The following KIAA0825 variants were observed in gnomAD, a reference collection of about 807,000 sequenced individuals.
KIAA0825 encodes uncharacterized protein KIAA0825.
Under a neutral mutation model 147.6 loss-of-function variants are expected in KIAA0825, and 119 were observed. That is an observed-to-expected ratio of 0.81 (90% CI 0.69 to 0.94). KIAA0825 has a LOEUF of 0.94. Among genes scored for constraint, KIAA0825 ranks in the 40% least tolerant of loss-of-function variants. The pLI, the probability that KIAA0825 is intolerant of heterozygous loss-of-function variation, is 0.00. For missense variants in KIAA0825, 1,381 were observed against 1,472.7 expected (o/e 0.94, Z 1.02); for synonymous variants, 470 against 518.1 (o/e 0.91, Z 1.26).
At chr5:94,345,901 T>C (rs562305949) in intron 20 of KIAA0825, among the ~76,000 whole-genome samples, 2 of 152,184 alleles carry the variant, frequency 1.3e-5, no homozygotes, top group African/African-American at 2.4e-5. Context: ...GTTGTGATCA[T>C]TGAGCAAGCA....
chr5:94,224,006 G>A (rs1009501464), intron 20 of KIAA0825, among the ~76,000 whole-genome samples: 3 of 145,832 alleles, frequency 2.1e-5, no homozygotes, highest in African/African-American at 5.1e-5. Context: ...GTAATTCATG[G>A]TTAATTATTC....
At chr5:94,551,771 A>G (rs1301978841) in intron 2 of KIAA0825, among the ~76,000 whole-genome samples, 1 of 152,102 alleles carries the variant, frequency 6.6e-6, no homozygotes, top group Non-Finnish European at 1.5e-5. Context: ...TCAAAATTAT[A>G]GAACTCACTG....
chr5:94,588,921 C>T (rs1783824445), intron 1 of KIAA0825, among the ~76,000 whole-genome samples: 4 of 152,146 alleles, frequency 2.6e-5, no homozygotes, highest in African/African-American at 2.4e-5. Context: ...ATCACAAGGA[C>T]AGAAAACCAA....
At chr5:94,542,328 T>C (rs537405051) in intron 2 of KIAA0825, among the ~76,000 whole-genome samples, 16 of 152,338 alleles carry the variant, frequency 1.1e-4, no homozygotes, top group Admixed American at 6.5e-4. Flanking sequence ...TTTGTTTTGT[T>C]TTTCAGAATC....
At chr5:94,508,836 C>T (rs1766101283) in intron 5 of KIAA0825, among the ~76,000 whole-genome samples, 1 of 152,216 alleles carries the variant, frequency 6.6e-6, no homozygotes, top group African/African-American at 2.4e-5. Flanking sequence ...GGTGCTACCA[C>T]ACACAGCCAT....
rs554847213 is a variant in KIAA0825 at position 94,153,335 on chromosome 5, C to T, written c.*672G>A. On this transcript the variant is annotated 3_prime_UTR_variant, in exon 21 of 21. Coordinates refer to ENST00000682413, the MANE Select transcript of KIAA0825 (RefSeq NM_001145678.3). ...TTGGGAAAACATGGCAAGCATGTGA[C>T]TTGAACCAAGAGGATGGCAAGCAAT... 3.0e-4 allele frequency: 45 copies of T among 152,126 alleles called. No homozygotes were observed. The highest frequency in any genetic ancestry group is 8.4e-4 in the African/African-American group (35 of 41,512). 9.4% of individuals were successfully genotyped at this position (152,126 alleles called of 1,614,324 possible).
At position 94,440,020 on chromosome 5, in the gene KIAA0825, T is replaced by G; in HGVS notation, c.2459A>C (p.His820Pro). 6.4e-7 allele frequency: 1 copy of G among 1,551,796 alleles called. No homozygotes were observed. The highest frequency in any genetic ancestry group is 8.7e-7 in the Non-Finnish European group (1 of 1,146,846). Residue 820 changes from histidine (H) to proline (P), a missense_variant, in exon 14 of 21, where the codon CAT becomes CCT. Coordinates refer to ENST00000682413, the MANE Select transcript of KIAA0825 (RefSeq NM_001145678.3). ...WNLLLETLLHHDGLLLRILLK... is the reference protein window; with the variant it reads ...WNLLLETLLHPDGLLLRILLK... ...CAAGATTCTCAGTAAAAGTCCATCA[T>G]GATGCAGTAGGGTTTCCAGAAGCAA...
chr5:94,604,672 G>A (rs1000082010), intron 1 of KIAA0825, among the ~76,000 whole-genome samples: 7 of 152,074 alleles, frequency 4.6e-5, no homozygotes, highest in African/African-American at 1.4e-4. Context: ...TGAAATAAAG[G>A]CAGAAATCAA....
chr5:94,355,650 AG>A (rs796971152), intron 20 of KIAA0825, among the ~76,000 whole-genome samples: 130 of 152,302 alleles, frequency 8.5e-4, no homozygotes, highest in African/African-American at 3.0e-3. Flanking sequence ...TTCTTATACT[AG>A]GGTCATACAT....
chr5:94,496,215 G>GA (rs972955382), intron 5 of KIAA0825, among the ~76,000 whole-genome samples: 9 of 152,010 alleles, frequency 5.9e-5, no homozygotes, highest in Admixed American at 2.0e-4. Context: ...AACGGATGGA[G>GA]AAAAAAATCA....
rs143466818 is a variant in KIAA0825, at chr5:94,480,439, A to C, written c.1133-3234T>G. 5.9e-5 allele frequency among the ~76,000 whole-genome samples: 9 copies of C among 152,188 alleles called. No homozygotes were observed. In the East Asian group the frequency reaches 1.5e-3, roughly 26 times the overall value. ...AATAAAGATCAAGTTGTTAATGACA[A>C]GAAGGGACAAAGTTGGATTCTGAAT... On this transcript the variant is annotated intron_variant, in intron 6 of 20. Coordinates refer to ENST00000682413, the MANE Select transcript of KIAA0825 (RefSeq NM_001145678.3).
At chr5:94,239,033 T>G (rs1214507107) in intron 20 of KIAA0825, among the ~76,000 whole-genome samples, 1 of 152,222 alleles carries the variant, frequency 6.6e-6, no homozygotes, top group Non-Finnish European at 1.5e-5. Context: ...TTTATTTTAA[T>G]GTATTCCTTT....
intron 15 of KIAA0825, among the ~76,000 whole-genome samples, chr5:94,408,135 G>A (rs1752307304): frequency 6.6e-6 from 1 of 152,128 alleles, no homozygotes; most frequent in Non-Finnish European, 1.5e-5. Flanking sequence ...AAAGGCAATG[G>A]TTTGCCAACT....
chr5:94,573,022 G>A (rs934764563), intron 2 of KIAA0825, among the ~76,000 whole-genome samples: 14 of 148,004 alleles, frequency 9.5e-5, no homozygotes, highest in South Asian at 2.1e-4. Flanking sequence ...TCAGGGTACC[G>A]CTTGGTTTCA....
chr5:94,203,015 G>C (rs563250799), intron 20 of KIAA0825, among the ~76,000 whole-genome samples: 196 of 152,252 alleles, frequency 1.3e-3, no homozygotes, highest in Middle Eastern at 6.8e-3. Flanking sequence ...GGTGAACAAA[G>C]GCCCTAGTTT....
At chr5:94,573,589 A>T (rs933217820) in intron 2 of KIAA0825, among the ~76,000 whole-genome samples, 2 of 152,116 alleles carry the variant, frequency 1.3e-5, no homozygotes, top group Non-Finnish European at 2.9e-5. Context: ...GAAATTTTAC[A>T]GTGGCTGCTG....
intron 20 of KIAA0825, among the ~76,000 whole-genome samples, chr5:94,155,149 G>T (rs1454858631): frequency 6.6e-6 from 1 of 150,380 alleles, no homozygotes; most frequent in African/African-American, 2.4e-5. Context: ...TGTCACACAT[G>T]AATTTAGGGT....
At chr5:94,165,911 G>T (rs1252429284) in intron 20 of KIAA0825, among the ~76,000 whole-genome samples, 2 of 152,112 alleles carry the variant, frequency 1.3e-5, no homozygotes, top group African/African-American at 4.8e-5. Flanking sequence ...ACAAAAACTA[G>T]TTAGAAACAA....
chr5:94,447,086 A>T (rs13179978), intron 13 of KIAA0825, among the ~76,000 whole-genome samples: 23,167 of 151,960 alleles, frequency 0.15, 1,931 homozygotes, highest in Non-Finnish European at 0.18. Flanking sequence ...TAGTAGAAGA[A>T]GATATGTTCG....
Sources: gnomAD v4.1 joint callset for allele counts (sites outside exome capture counted in the v4.1 genomes callset) on GRCh38, gnomAD v4.1.1 for gene constraint, MANE v1.5 for transcripts, NCBI Gene and HGNC (gene_info 2026-07-23, HGNC 2026-07-21) for gene names.